The following SBF2 variants were observed in gnomAD, a reference collection of about 807,000 sequenced individuals.
SBF2 encodes myotubularin-related protein 13.
Under a neutral mutation model 225.2 loss-of-function variants are expected in SBF2, and 112 were observed. The observed-to-expected ratio is 0.50, with a 90% CI of 0.43 to 0.58. The LOEUF (loss-of-function observed/expected upper bound fraction) is 0.58. Ranked by LOEUF, SBF2 falls within the 20% of genes least tolerant of loss-of-function variation. SBF2 has a pLI of 0.00. For synonymous variants in SBF2, 763 were observed against 773.3 expected, an observed-to-expected ratio of 0.99 and a Z score of 0.22; for missense variants, 1,996 against 2,206.2, an observed-to-expected ratio of 0.90 and a Z score of 1.91.
chr11:10,272,922 T>C (rs1003140308), intron 1 of SBF2, among the ~76,000 whole-genome samples: 3 of 151,854 alleles, frequency 2.0e-5, no homozygotes, highest in Non-Finnish European at 4.4e-5. Context: ...ATACAAAAAT[T>C]AGCCAGGCAT....
rs1365739550 is a variant in SBF2 at position 10,272,236 on chromosome 11, G to A, written c.55+21779C>T. On this transcript the variant is annotated intron_variant, in intron 1 of 39. Coordinates refer to ENST00000256190, the MANE Select transcript of SBF2 (RefSeq NM_030962.4). ...GCTGCTCTACCAAGAGCTGCAGGGC[G>A]CTCGCGCTAGCCCCGGAGGACATGG... The A allele has an allele frequency of 1.0e-5, 11 of 1,051,068 alleles. 4 individuals are homozygous for A. The highest frequency in any genetic ancestry group is 8.8e-5 in the Admixed American group (3 of 34,148). 65.1% of individuals were successfully genotyped at this position (1,051,068 alleles called of 1,614,324 possible).
chr11:10,057,803 A>G (rs1950303528), intron 2 of SBF2, among the ~76,000 whole-genome samples: 1 of 152,204 alleles, frequency 6.6e-6, no homozygotes, highest in Non-Finnish European at 1.5e-5. Flanking sequence ...GTGAGGAAAC[A>G]TAGGGAAGCC....
intron 1 of SBF2, among the ~76,000 whole-genome samples, chr11:10,293,338 A>G (rs1964289787): frequency 6.6e-6 from 1 of 152,274 alleles, no homozygotes; most frequent in African/African-American, 2.4e-5. Context: ...AAACACATTA[A>G]AGTGAAACAA....
chr11:10,058,323 C>T (rs565472720), intron 2 of SBF2, among the ~76,000 whole-genome samples: 1 of 152,234 alleles, frequency 6.6e-6, no homozygotes, highest in Admixed American at 6.5e-5. Context: ...AAGAACCTAA[C>T]AGGTCTGATA....
At chr11:10,085,024 A>G (rs527773321) in intron 2 of SBF2, among the ~76,000 whole-genome samples, 2 of 152,344 alleles carry the variant, frequency 1.3e-5, no homozygotes, top group African/African-American at 4.8e-5. Context: ...AAGCCCTGAC[A>G]TGACTTCATA....
chr11:10,128,474 T>C lies in SBF2; in HGVS notation c.141+65428A>G, dbSNP rs186617088. Among the ~76,000 whole-genome samples, 310 of 152,346 alleles carry C rather than the reference T, an allele frequency of 2.0e-3. 3 individuals are homozygous for C. The highest frequency in any genetic ancestry group is 2.8e-3 in the Non-Finnish European group (190 of 68,026). On this transcript the variant is annotated intron_variant, in intron 2 of 39. Coordinates refer to ENST00000256190, the MANE Select transcript of SBF2 (RefSeq NM_030962.4). The stretch of plus-strand genomic sequence containing the variant: ...AAGATGATTCTGCCTCCTTGAACAG[T>C]AAAAGCAGAGATTATATTTTTTACA...
intron 17 of SBF2, among the ~76,000 whole-genome samples, chr11:9,872,532 G>C (rs1858862356): frequency 6.6e-6 from 1 of 152,244 alleles, no homozygotes; most frequent in South Asian, 2.1e-4. Context: ...ATGATATATT[G>C]ATAGCAAATA....
chr11:10,032,977 T>C (rs562053269), intron 3 of SBF2, among the ~76,000 whole-genome samples: 1 of 152,330 alleles, frequency 6.6e-6, no homozygotes, highest in African/African-American at 2.4e-5. Flanking sequence ...AACCAAGTAT[T>C]AGATGTCTGT....
At chr11:10,218,409 A>G (rs1958214619) in intron 1 of SBF2, among the ~76,000 whole-genome samples, 1 of 145,964 alleles carries the variant, frequency 6.9e-6, no homozygotes, top group Non-Finnish European at 1.5e-5. Context: ...TCAAGCTAAG[A>G]TTTGGGTGGG....
intron 16 of SBF2, among the ~76,000 whole-genome samples, chr11:9,934,619 G>A (rs1565026318): frequency 6.6e-6 from 1 of 152,072 alleles, no homozygotes; most frequent in South Asian, 2.1e-4. Flanking sequence ...CGATCAAGTC[G>A]GCTTCATCCC....
intron 15 of SBF2, among the ~76,000 whole-genome samples, chr11:9,963,013 T>C (rs1479292446): frequency 1.3e-5 from 2 of 152,158 alleles, no homozygotes; most frequent in South Asian, 2.1e-4. Flanking sequence ...ACTATGACAA[T>C]GAGTCAGTAA....
At chr11:9,905,447 C>G (rs1051314141) in intron 16 of SBF2, among the ~76,000 whole-genome samples, 1 of 152,138 alleles carries the variant, frequency 6.6e-6, no homozygotes, top group Non-Finnish European at 1.5e-5. Context: ...CTTTGAATAA[C>G]GATTTTCATT....
At chr11:10,088,025 A>ATT (rs751589524) in intron 2 of SBF2, among the ~76,000 whole-genome samples, 6 of 141,842 alleles carry the variant, frequency 4.2e-5, no homozygotes, top group Non-Finnish European at 4.7e-5. Flanking sequence ...GCAAACTTTA[A>ATT]TTTTTTTTTT....
At chr11:9,854,138 A>G (rs1857152633) in intron 19 of SBF2, among the ~76,000 whole-genome samples, 1 of 152,202 alleles carries the variant, frequency 6.6e-6, no homozygotes, top group South Asian at 2.1e-4. Flanking sequence ...CTACTTGGCA[A>G]CTGAGGAACA....
At chr11:10,109,269 G>A (rs928836547) in intron 2 of SBF2, among the ~76,000 whole-genome samples, 1 of 152,052 alleles carries the variant, frequency 6.6e-6, no homozygotes, top group Admixed American at 6.6e-5. Flanking sequence ...TATATTACAT[G>A]TTAAAGGACC....
At chr11:10,094,484 C>T (rs1456386665) in intron 2 of SBF2, among the ~76,000 whole-genome samples, 1 of 144,490 alleles carries the variant, frequency 6.9e-6, no homozygotes, top group African/African-American at 2.5e-5. Context: ...TATGTGACTA[C>T]ATACAGTCAA....
rs1227831878 is a variant in SBF2, at chr11:9,966,605, T to C, written c.1600+1736A>G. Among the ~76,000 whole-genome samples, 5 of 152,116 alleles carry C rather than the reference T, an allele frequency of 3.3e-5. 1 individual carries two copies. ...TAGCTGAAAAAAAGACAAAAGTTAG[T>C]AAAGGAAGACAACTCACAGAATGGG... On this transcript the variant is annotated intron_variant, in intron 14 of 39. Transcript: ENST00000256190.
intron 1 of SBF2, among the ~76,000 whole-genome samples, chr11:10,210,988 G>A (rs1056190439): frequency 2.3e-4 from 25 of 109,824 alleles, no homozygotes; most frequent in South Asian, 3.3e-4. Flanking sequence ...ACTCCAGCCT[G>A]GGCGACAAGA....
At chr11:10,248,323 T>C (rs1211138789) in intron 1 of SBF2, among the ~76,000 whole-genome samples, 5 of 152,198 alleles carry the variant, frequency 3.3e-5, no homozygotes, top group African/African-American at 9.7e-5. Context: ...CATGAAAGAA[T>C]TGGTGAAAGG....
Sources: allele counts gnomAD v4.1 joint callset (sites outside exome capture counted in the v4.1 genomes callset), GRCh38; gene constraint gnomAD v4.1.1; transcripts MANE v1.5; gene names NCBI Gene and HGNC (gene_info 2026-07-23, HGNC 2026-07-21).